Variants in CNTLN observed in about 807,000 individuals in gnomAD.
CNTLN encodes centlein, centrosomal protein.
A neutral mutation model predicts 180.0 loss-of-function variants in CNTLN; 212 were observed. The observed-to-expected ratio is 1.18, with a 90% CI of 1.05 to 1.32. The LOEUF (loss-of-function observed/expected upper bound fraction) is 1.32. CNTLN is among the 40% of genes most tolerant of loss of function. The pLI is 0.00. For missense variants in CNTLN, 2,095 were observed against 1,610.9 expected (o/e 1.30, Z -5.14); for synonymous variants, 722 against 563.1 (o/e 1.28, Z -3.99).
intron 13 of CNTLN, among the ~76,000 whole-genome samples, chr9:17,367,150 G>C (rs1218077639): frequency 3.9e-5 from 6 of 152,232 alleles, no homozygotes; most frequent in African/African-American, 1.4e-4. Context: ...TCTCCTGGCA[G>C]TGGCCATGTG....
At chr9:17,223,355 T>A (rs1824268001) in intron 2 of CNTLN, among the ~76,000 whole-genome samples, 1 of 151,994 alleles carries the variant, frequency 6.6e-6, no homozygotes, top group South Asian at 2.1e-4. Context: ...AGCCTTAACT[T>A]TTTTACTGAT....
In CNTLN at chr9:17,466,842, C is replaced by T. The variant is rs1831779747; in HGVS notation, c.3806C>T (p.Thr1269Ile). Residue 1269 changes from threonine to isoleucine, a missense_variant, in exon 23 of 26, where the codon ACA becomes ATA. Transcript: ENST00000380647. ...CAGGTCCTAGAAGGTGCACAGAAGA[C>T]ATTGCTGTTAGCCAATGAAAAAGTA... Reference protein sequence around the residue: ...SEQVLEGAQKTLLLANEKVEE... With the variant: ...SEQVLEGAQKILLLANEKVEE... 6.2e-7 allele frequency: 1 copy of T among 1,610,356 alleles called. No homozygotes were observed. The highest frequency in any genetic ancestry group is 1.3e-5 in the African/African-American group (1 of 74,600).
At chr9:17,381,426 G>A (rs1825246352) in intron 13 of CNTLN, among the ~76,000 whole-genome samples, 1 of 152,186 alleles carries the variant, frequency 6.6e-6, no homozygotes, top group Non-Finnish European at 1.5e-5. Context: ...TCCTCACTCA[G>A]TATAAAATTT....
chr9:17,226,713 C>G (rs1475119724), intron 3 of CNTLN, among the ~76,000 whole-genome samples: 1 of 151,778 alleles, frequency 6.6e-6, no homozygotes, highest in Non-Finnish European at 1.5e-5. Context: ...TCCACTGTTA[C>G]AAATAAATAC....
chr9:17,309,024 TATTAATATA>T (rs749122008), intron 7 of CNTLN, 25 bp from the exon 8 acceptor site: 2 of 1,377,934 alleles, frequency 1.5e-6, no homozygotes, highest in East Asian at 5.0e-5. Context: ...TTTTATTGAT[TATTAATATA>T]ATTTGGATAT....
rs374219749 is a variant in CNTLN, at chr9:17,298,295, A to G, written c.1089A>G (p.Gln363=). 3 of 1,613,676 alleles carry G rather than the reference A, an allele frequency of 1.9e-6. No individual in the cohort carries two copies. The highest frequency in any genetic ancestry group is 2.5e-6 in the Non-Finnish European group (3 of 1,179,854). ...TTCAGGTTCTCAATATGGACACACA[A>G]AAAGTACTGAGAAATCAGGAAGATG... ...QQLQVLNMDT[Q]KVLRNQEDVH... is the part of the protein sequence containing the mutation. Residue 363 remains glutamine (Q), a synonymous_variant, in exon 7 of 26, where the codon CAA becomes CAG. Coordinates refer to ENST00000380647, the MANE Select transcript of CNTLN (RefSeq NM_017738.4).
intron 2 of CNTLN, among the ~76,000 whole-genome samples, chr9:17,155,389 C>G (rs1819203823): frequency 6.6e-6 from 1 of 152,174 alleles, no homozygotes; most frequent in African/African-American, 2.4e-5. Context: ...CTCTTTAGAG[C>G]TGTCAGACAG....
rs1336165121 is a variant in CNTLN at position 17,487,027 on chromosome 9, G to A, written c.4080G>A (p.Lys1360=). The change falls in exon 25 of 26, where the codon AAG becomes AAA. Residue 1360 remains lysine (K), a synonymous_variant. Coordinates refer to ENST00000380647, the MANE Select transcript of CNTLN (RefSeq NM_017738.4). ...CAAAAATTGATGCTGAAAATGACAA[G>A]GAATGGATGTTGTACATTCAGAAAC... ...EKTKIDAEND[K]EWMLYIQKLL... 6.3e-7 allele frequency: 1 copy of A among 1,590,272 alleles called. No individual in the cohort carries two copies. Among genetic ancestry groups the A allele is most frequent in the East Asian group, 2.2e-5 (1 of 44,504 alleles).
At chr9:17,181,449 C>T (rs1286319818) in intron 2 of CNTLN, among the ~76,000 whole-genome samples, 1 of 152,184 alleles carries the variant, frequency 6.6e-6, no homozygotes, top group African/African-American at 2.4e-5. Flanking sequence ...ACCTTCATAA[C>T]TGCTCATTGA....
intron 12 of CNTLN, among the ~76,000 whole-genome samples, chr9:17,361,969 A>C (rs1823429604): frequency 3.3e-5 from 5 of 152,216 alleles, no homozygotes; most frequent in Admixed American, 3.3e-4. Flanking sequence ...CCTGGTCAGG[A>C]GTACCAGGGC....
intron 5 of CNTLN, among the ~76,000 whole-genome samples, chr9:17,257,699 GT>G (rs1241961882): frequency 6.6e-6 from 1 of 151,310 alleles, no homozygotes; most frequent in Non-Finnish European, 1.5e-5. Context: ...TCTCATTGTG[GT>G]TTTGATTTGC....
At chr9:17,312,350 T>TATATATATATATATATATATATATATATA (rs1346380095) in intron 8 of CNTLN, among the ~76,000 whole-genome samples, 1 of 16,370 alleles carries the variant, frequency 6.1e-5, no homozygotes, top group African/African-American at 1.4e-4. Flanking sequence ...TATTTATATA[T>TATATATATATATATATATATATATATATA]ATATATATAT....
chr9:17,387,623 C>T (rs1053296768), intron 13 of CNTLN, among the ~76,000 whole-genome samples: 1 of 151,922 alleles, frequency 6.6e-6, no homozygotes, highest in Admixed American at 6.6e-5. Context: ...GTTATGAAGT[C>T]ACAGTATTTC....
At chr9:17,170,546 T>A (rs560834958) in intron 2 of CNTLN, among the ~76,000 whole-genome samples, 1 of 152,118 alleles carries the variant, frequency 6.6e-6, no homozygotes, top group Non-Finnish European at 1.5e-5. Flanking sequence ...TTTCAAATTA[T>A]CTGTTTTTCA....
In CNTLN at chr9:17,394,772, C is replaced by T; in HGVS notation, c.2318C>T (p.Ser773Phe). 2.5e-6 allele frequency: 4 copies of T among 1,613,918 alleles called. No homozygotes were observed. The highest frequency in any genetic ancestry group is 3.4e-6 in the Non-Finnish European group (4 of 1,179,958). Residue 773 changes from serine to phenylalanine, a missense_variant, in exon 15 of 26, where the codon TCC (serine) becomes TTC (phenylalanine). Ser to Phe is a radical substitution (Grantham distance 155). Coordinates refer to ENST00000380647, the MANE Select transcript of CNTLN (RefSeq NM_017738.4). ...KISELETEVT[S>F]LRRQVAEANA... ...AGTGAGCTGGAGACAGAAGTCACTT[C>T]CCTGAGGAGACAAGTGGCAGAAGCT...
intron 5 of CNTLN, among the ~76,000 whole-genome samples, 171 bp downstream of exon 5, chr9:17,236,759 C>G (rs547183990): frequency 6.6e-6 from 1 of 152,038 alleles, no homozygotes; most frequent in South Asian, 2.1e-4. Context: ...ATTGATGTTG[C>G]AAAGCAGGAA....
At chr9:17,519,911 A>G in the CNTLN span, among the ~76,000 whole-genome samples, 1 of 152,200 alleles carries the variant, frequency 6.6e-6, no homozygotes, top group Non-Finnish European at 1.5e-5. Context: ...GTGAAGCAAG[A>G]GGCATGCCGG....
chr9:17,513,928 AAT>A, the CNTLN span, among the ~76,000 whole-genome samples: 1 of 152,182 alleles, frequency 6.6e-6, no homozygotes, highest in Non-Finnish European at 1.5e-5. Context: ...GCATTTTAAA[AAT>A]TGTGAAAGAA....
At chr9:17,209,367 G>A (rs1477234799) in intron 2 of CNTLN, among the ~76,000 whole-genome samples, 1 of 152,158 alleles carries the variant, frequency 6.6e-6, no homozygotes, top group Non-Finnish European at 1.5e-5. Flanking sequence ...TCCATGTGCT[G>A]AGGAGAAGAA....
Sources: gnomAD v4.1 joint callset for allele counts (sites outside exome capture counted in the v4.1 genomes callset) on GRCh38, gnomAD v4.1.1 for gene constraint, MANE v1.5 for transcripts, NCBI Gene and HGNC (gene_info 2026-07-23, HGNC 2026-07-21) for gene names.